The following FBXW7 variants were observed in gnomAD, a reference collection of about 807,000 sequenced individuals.
FBXW7 encodes F-box and WD repeat domain containing 7.
Under a neutral mutation model 86.3 loss-of-function variants are expected in FBXW7, and 11 were observed. That is an observed-to-expected ratio of 0.13 (90% CI 0.08 to 0.21). The LOEUF (loss-of-function observed/expected upper bound fraction) is 0.21. Ranked by LOEUF, FBXW7 falls within the 10% of genes least tolerant of loss-of-function variation. The pLI is 1.00. For synonymous variants in FBXW7, 313 were observed against 297.9 expected, an observed-to-expected ratio of 1.05 and a Z score of -0.52; for missense variants, 488 against 847.4, an observed-to-expected ratio of 0.58 and a Z score of 5.27.
chr4:152,447,902 C>G (rs1394609443), intron 2 of FBXW7, among the ~76,000 whole-genome samples: 1 of 152,164 alleles, frequency 6.6e-6, no homozygotes, highest in Non-Finnish European at 1.5e-5. Flanking sequence ...ACCAATAACT[C>G]TCATATTTTA....
intron 2 of FBXW7, among the ~76,000 whole-genome samples, chr4:152,423,127 A>G (rs942717007): frequency 6.6e-6 from 1 of 152,150 alleles, no homozygotes; most frequent in Non-Finnish European, 1.5e-5. Context: ...TGTGTCATCT[A>G]GCATCTGGTT....
intron 2 of FBXW7, among the ~76,000 whole-genome samples, chr4:152,420,252 T>C (rs1187911088): frequency 6.6e-6 from 1 of 152,168 alleles, no homozygotes; most frequent in African/African-American, 2.4e-5. Flanking sequence ...ACCTCAGCCA[T>C]TCAAATTTTA....
At chr4:152,513,905 CACTA>C (rs1323038470) in intron 2 of FBXW7, among the ~76,000 whole-genome samples, 5 of 152,174 alleles carry the variant, frequency 3.3e-5, no homozygotes, top group Admixed American at 6.6e-5. Context: ...CTAAGGTAGT[CACTA>C]ACTAATGAGC....
intron 2 of FBXW7, among the ~76,000 whole-genome samples, chr4:152,461,147 T>C (rs1209234555): frequency 2.0e-5 from 3 of 152,104 alleles, no homozygotes; most frequent in Non-Finnish European, 4.4e-5. Flanking sequence ...TAGCCAGACA[T>C]GTTGGTGCAT....
chr4:152,347,130 G>C (rs2126637432), intron 5 of FBXW7, 59 bp from the exon 6 acceptor site: 8 of 1,417,308 alleles, frequency 5.6e-6, no homozygotes, highest in Admixed American at 2.1e-5. Flanking sequence ...AAAAGTGAAA[G>C]CAAAGATAGA....
At chr4:152,375,534 A>T (rs1345954140) in intron 4 of FBXW7, among the ~76,000 whole-genome samples, 1 of 152,098 alleles carries the variant, frequency 6.6e-6, no homozygotes, top group Non-Finnish European at 1.5e-5. Context: ...TAAAAAATAA[A>T]ATCACTATGA....
At chr4:152,506,450 G>A (rs747501593) in intron 2 of FBXW7, among the ~76,000 whole-genome samples, 1 of 152,106 alleles carries the variant, frequency 6.6e-6, no homozygotes, top group Non-Finnish European at 1.5e-5. Context: ...ACTTTCAGAC[G>A]ACTGGCAGTG....
Position 152,324,220 on chromosome 4 carries a change from C to T in FBXW7, c.1819G>A (p.Asp607Asn), listed in dbSNP as rs2126476152. Reference protein sequence around the residue: ...GNADSTVKIWDIKTGQCLQTL... With the variant: ...GNADSTVKIWNIKTGQCLQTL... ...TGTAAACACTGTCCTGTTTTGATAT[C>T]CCAGATTTTAACTGTAGAATCTGCA... The change falls in exon 13 of 14, where the codon GAT (aspartate) becomes AAT (asparagine). Residue 607 changes from aspartate (D) to asparagine (N), a missense_variant. This residue lies in a region of FBXW7 where 142 missense variants were observed against 406.6 expected (regional missense o/e 0.35). Coordinates refer to ENST00000281708, the MANE Select transcript of FBXW7 (RefSeq NM_001349798.2). 5.6e-6 allele frequency: 9 copies of T among 1,612,344 alleles called. No individual in the cohort carries two copies. Among genetic ancestry groups the T allele is most frequent in the Non-Finnish European group, 7.6e-6 (9 of 1,179,354 alleles).
In FBXW7 at chr4:152,536,068, G is replaced by C. The variant is rs576846049; in HGVS notation, c.-1154C>G. ...GCTCGCTGTCTCCCTCGCTCTGTGC[G>C]GGGCTCTCGCCTCACTCCAGAGAGA... On this transcript the variant is annotated 5_prime_UTR_variant, in exon 1 of 14. Transcript: ENST00000281708. The C allele has an allele frequency of 5.7e-6, 1 of 175,534 alleles. No homozygotes were observed. The highest frequency in any genetic ancestry group is 1.2e-5 in the Non-Finnish European group (1 of 82,486). The allele number at this position is 175,534 out of a possible 1,614,324, so 10.9% of individuals were successfully genotyped here.
intron 6 of FBXW7, among the ~76,000 whole-genome samples, chr4:152,344,540 T>G (rs1731074106): frequency 6.6e-6 from 1 of 152,124 alleles, no homozygotes; most frequent in South Asian, 2.1e-4. Flanking sequence ...ACAGTTTTTT[T>G]TTTTTTCACA....
At chr4:152,453,504 C>T in intron 2 of FBXW7, among the ~76,000 whole-genome samples, 1 of 152,218 alleles carries the variant, frequency 6.6e-6, no homozygotes, top group South Asian at 2.1e-4. Context: ...TGCAGCCATA[C>T]AAAAACGGGC....
intron 2 of FBXW7, among the ~76,000 whole-genome samples, chr4:152,456,761 T>C (rs1256588676): frequency 1.3e-5 from 2 of 152,196 alleles, no homozygotes; most frequent in Non-Finnish European, 2.9e-5. Flanking sequence ...ACTGGAATGC[T>C]CATACACTGC....
intron 4 of FBXW7, among the ~76,000 whole-genome samples, chr4:152,389,397 G>A (rs1461848311): frequency 1.3e-5 from 2 of 151,898 alleles, no homozygotes; most frequent in Non-Finnish European, 2.9e-5. Flanking sequence ...ATATATATAT[G>A]TTTACACACA....
At chr4:152,509,594 A>C (rs1209164369) in intron 2 of FBXW7, among the ~76,000 whole-genome samples, 2 of 152,192 alleles carry the variant, frequency 1.3e-5, no homozygotes, top group Admixed American at 6.5e-5. Context: ...AAAAAAAATG[A>C]AGGAATAAAG....
chr4:152,346,312 A>ATT (rs1731257061), intron 6 of FBXW7, among the ~76,000 whole-genome samples: 1 of 152,176 alleles, frequency 6.6e-6, no homozygotes, highest in Admixed American at 6.6e-5. Flanking sequence ...AATGGTTCTT[A>ATT]AATTACTCTT....
At chr4:152,476,789 G>C (rs1579305142) in intron 2 of FBXW7, among the ~76,000 whole-genome samples, 1 of 152,232 alleles carries the variant, frequency 6.6e-6, no homozygotes, top group East Asian at 1.9e-4. Context: ...TCATGTTTCT[G>C]CACCTCTTAG....
intron 2 of FBXW7, among the ~76,000 whole-genome samples, chr4:152,514,049 CAT>C (rs1560988021): frequency 6.6e-6 from 1 of 152,146 alleles, no homozygotes; most frequent in Non-Finnish European, 1.5e-5. Flanking sequence ...ATATTGATTA[CAT>C]GTTAAAATAA....
intron 4 of FBXW7, among the ~76,000 whole-genome samples, chr4:152,378,976 A>G (rs1734809398): frequency 6.6e-6 from 1 of 152,184 alleles, no homozygotes; most frequent in Admixed American, 6.5e-5. Context: ...ACTACACTCC[A>G]GCCTGGGAGA....
intron 4 of FBXW7, among the ~76,000 whole-genome samples, chr4:152,376,564 C>T (rs994111864): frequency 1.3e-5 from 2 of 151,946 alleles, no homozygotes. Context: ...AGGTTATGGA[C>T]TAATTTGTTA....
Sources: allele counts gnomAD v4.1 joint callset (sites outside exome capture counted in the v4.1 genomes callset), GRCh38; gene constraint gnomAD v4.1.1; regional missense constraint gnomAD v4.1.1; transcripts MANE v1.5; gene names NCBI Gene and HGNC (gene_info 2026-07-23, HGNC 2026-07-21).